The following NFIA variants were observed in gnomAD, a reference collection of about 807,000 sequenced individuals.
NFIA encodes the protein nuclear factor I A.
Under a neutral mutation model 62.8 loss-of-function variants are expected in NFIA, and 8 were observed. The ratio of observed to expected loss-of-function variants is 0.13; its 90% CI spans 0.07 to 0.23. NFIA has a LOEUF of 0.23. Among genes scored for constraint, NFIA ranks in the 10% least tolerant of loss-of-function variants. NFIA has a pLI of 1.00. For missense variants in NFIA, 410 were observed against 642.1 expected (o/e 0.64, Z 3.91); for synonymous variants, 235 against 238.1 (o/e 0.99, Z 0.12).
intron 2 of NFIA, among the ~76,000 whole-genome samples, chr1:61,229,898 A>G (rs1654565667): frequency 6.6e-6 from 1 of 152,188 alleles, no homozygotes; most frequent in Non-Finnish European, 1.5e-5. Flanking sequence ...AAGGAATCAT[A>G]CTGAATTGTG....
Position 61,332,555 on chromosome 1 carries a change from T to C in NFIA, c.669T>C (p.Phe223=). ...ACAGTTTTGTCACATCAGGTGTTTT[T>C]AGTGTCACTGAGCTAGTAAGAGTGT... The part of the protein sequence containing the change: ...FQDSFVTSGV[F]SVTELVRVSQ... Residue 223 remains phenylalanine (F), a synonymous_variant, in exon 4 of 11, where the codon TTT becomes TTC. Coordinates refer to ENST00000403491, the MANE Select transcript of NFIA (RefSeq NM_001134673.4). 6.2e-7 allele frequency: 1 copy of C among 1,614,076 alleles called. No individual in the cohort carries two copies. The highest frequency in any genetic ancestry group is 1.1e-5 in the South Asian group (1 of 91,078).
At chr1:61,427,019 A>G (rs970271135) in intron 10 of NFIA, among the ~76,000 whole-genome samples, 2 of 152,170 alleles carry the variant, frequency 1.3e-5, no homozygotes, top group Admixed American at 1.3e-4. Context: ...AGAAAAGGGT[A>G]TATGAGCCCT....
chr1:61,314,669 C>T (rs1464251145), intron 3 of NFIA, among the ~76,000 whole-genome samples: 2 of 152,286 alleles, frequency 1.3e-5, no homozygotes, highest in African/African-American at 4.8e-5. Flanking sequence ...CACTTGACTT[C>T]CTATCCATAG....
At chr1:61,358,932 A>G (rs1420849278) in intron 5 of NFIA, among the ~76,000 whole-genome samples, 2 of 152,184 alleles carry the variant, frequency 1.3e-5, no homozygotes, top group South Asian at 2.1e-4. Flanking sequence ...GATTGACAAT[A>G]AAAATCAAAC....
intron 2 of NFIA, among the ~76,000 whole-genome samples, chr1:61,196,922 TGTGTGTGTGTGTGTGTGTGC>T (rs1340269158): frequency 1.2e-3 from 179 of 144,408 alleles, no homozygotes; most frequent in Non-Finnish European, 8.4e-4. Flanking sequence ...TGTGTGTGTG[TGTGTGTGTGTGTGTGTGTGC>T]GCGCGCGCGC....
At chr1:61,106,211 A>G (rs1266519542) in intron 2 of NFIA, among the ~76,000 whole-genome samples, 1 of 151,788 alleles carries the variant, frequency 6.6e-6, no homozygotes, top group Non-Finnish European at 1.5e-5. Flanking sequence ...CATATATATT[A>G]CAGCACAGCT....
Position 61,408,802 on chromosome 1 carries a change from G to A in NFIA, c.1420+2075G>A, listed in dbSNP as rs72915709. ...GAATCAATTTCCTCTTCTATAAAATGTAGATGATAATATCTACCTGGCATG... is the reference window on the plus strand; with the variant it reads ...GAATCAATTTCCTCTTCTATAAAATATAGATGATAATATCTACCTGGCATG... On this transcript the variant is annotated intron_variant, in intron 9 of 10. Coordinates refer to ENST00000403491, the MANE Select transcript of NFIA (RefSeq NM_001134673.4). Among the ~76,000 whole-genome samples the A allele has an allele frequency of 8.9e-3, 1,348 of 152,286 alleles. 16 individuals are homozygous for A. The highest frequency in any genetic ancestry group is 0.031 in the African/African-American group (1,270 of 41,558).
intron 2 of NFIA, among the ~76,000 whole-genome samples, chr1:61,236,277 T>C (rs1655008264): frequency 6.6e-6 from 1 of 152,182 alleles, no homozygotes; most frequent in Non-Finnish European, 1.5e-5. Context: ...CTGAGAGAGT[T>C]CTTTAGCTAA....
chr1:61,268,481 A>G (rs970220652), intron 2 of NFIA, among the ~76,000 whole-genome samples: 1 of 151,592 alleles, frequency 6.6e-6, no homozygotes, highest in East Asian at 1.9e-4. Context: ...GATATGTCAC[A>G]GTAAACCCTA....
At chr1:61,258,335 G>A (rs1021402710) in intron 2 of NFIA, among the ~76,000 whole-genome samples, 1 of 152,164 alleles carries the variant, frequency 6.6e-6, no homozygotes, top group Non-Finnish European at 1.5e-5. Flanking sequence ...GGAGTTTGTT[G>A]CCAGCCTGAC....
At chr1:61,298,865 C>T (rs1289955134) in intron 3 of NFIA, among the ~76,000 whole-genome samples, 4 of 152,116 alleles carry the variant, frequency 2.6e-5, no homozygotes, top group Non-Finnish European at 5.9e-5. Context: ...ACTTACAACA[C>T]GCTGGGAGAA....
chr1:61,310,816 C>G (rs577761636), intron 3 of NFIA, among the ~76,000 whole-genome samples: 74 of 144,278 alleles, frequency 5.1e-4, no homozygotes, highest in African/African-American at 1.9e-3. Context: ...CCTGTATATC[C>G]TCTCTGAGAG....
rs140578423 is a variant in NFIA at position 61,351,098 on chromosome 1, T to C, written c.701-1352T>C. 5.1e-3 allele frequency among the ~76,000 whole-genome samples: 777 copies of C among 152,340 alleles called. 5 individuals are homozygous for C. The highest frequency in any genetic ancestry group is 9.1e-3 in the Non-Finnish European group (616 of 68,028). On this transcript the variant is annotated intron_variant, in intron 4 of 10. Coordinates refer to ENST00000403491, the MANE Select transcript of NFIA (RefSeq NM_001134673.4). Reference sequence around the variant, plus strand: ...ACAATATTCAATCAGTTACATGAGATATTCAACACTTTATTATAAAATAGG... The same window carrying C: ...ACAATATTCAATCAGTTACATGAGACATTCAACACTTTATTATAAAATAGG...
At chr1:61,249,191 T>C (rs1655849607) in intron 2 of NFIA, 1 of 152,190 alleles carries the variant, frequency 6.6e-6, no homozygotes, top group Admixed American at 6.5e-5. Flanking sequence ...AAACAATTTA[T>C]AAAAGGTGCT....
intron 4 of NFIA, among the ~76,000 whole-genome samples, chr1:61,347,190 T>TTC: frequency 8.8e-6 from 1 of 114,052 alleles, no homozygotes; most frequent in South Asian, 2.6e-4. Flanking sequence ...TTTTTTTTTT[T>TTC]TGAGATGGAG....
chr1:61,201,885 A>G (rs942514784), intron 2 of NFIA, among the ~76,000 whole-genome samples: 1 of 152,232 alleles, frequency 6.6e-6, no homozygotes, highest in Non-Finnish European at 1.5e-5. Flanking sequence ...AGTATTTAAT[A>G]AAGTATGCTG....
At chr1:61,265,533 T>A (rs1259907012) in intron 2 of NFIA, among the ~76,000 whole-genome samples, 1 of 152,204 alleles carries the variant, frequency 6.6e-6, no homozygotes, top group African/African-American at 2.4e-5. Flanking sequence ...CATTTATTGG[T>A]TACCAAATGA....
intron 3 of NFIA, among the ~76,000 whole-genome samples, chr1:61,311,030 A>G (rs935549976): frequency 2.0e-5 from 3 of 152,216 alleles, no homozygotes; most frequent in African/African-American, 7.2e-5. Flanking sequence ...GTTTTAGGGA[A>G]ATGAACTAAT....
intron 2 of NFIA, among the ~76,000 whole-genome samples, chr1:61,101,744 G>A (rs1241155079): frequency 6.6e-6 from 1 of 152,270 alleles, no homozygotes; most frequent in East Asian, 1.9e-4. Flanking sequence ...GTTGTCAGAA[G>A]TGTCAAGCTG....
Sources: allele counts gnomAD v4.1 joint callset (sites outside exome capture counted in the v4.1 genomes callset), GRCh38; gene constraint gnomAD v4.1.1; transcripts MANE v1.5; gene names NCBI Gene and HGNC (gene_info 2026-07-23, HGNC 2026-07-21).